The following ZC3H12B variants were observed in gnomAD, a reference collection of about 807,000 sequenced individuals.
The protein encoded by ZC3H12B is probable ribonuclease ZC3H12B.
ZC3H12B carries 7 observed loss-of-function variants against 43.9 expected under a neutral mutation model. That is an observed-to-expected ratio of 0.16 (90% confidence interval 0.09 to 0.30). The LOEUF (loss-of-function observed/expected upper bound fraction) is 0.30. Among genes scored for constraint, ZC3H12B ranks in the 10% least tolerant of loss-of-function variants. The pLI is 1.00. For missense variants in ZC3H12B, 475 were observed against 670.2 expected (o/e 0.71, Z 3.22); for synonymous variants, 222 against 241.7 (o/e 0.92, Z 0.76).
chrX:65,188,943 C>T, the ZC3H12B span, among the ~76,000 whole-genome samples: 1 of 68,076 alleles, frequency 1.5e-5, no homozygotes, highest in Non-Finnish European at 2.6e-5. Flanking sequence ...CTATCCCTCC[C>T]CCCTCCCCCC....
chrX:65,293,061 T>C, the ZC3H12B span, among the ~76,000 whole-genome samples: 3 of 111,762 alleles, frequency 2.7e-5, no homozygotes, highest in Admixed American at 9.5e-5. Context: ...TGTAAATAAT[T>C]CATAGGTCAA....
the ZC3H12B span, among the ~76,000 whole-genome samples, chrX:65,158,481 G>A: frequency 8.9e-6 from 1 of 111,968 alleles, no homozygotes; most frequent in Non-Finnish European, 1.9e-5. Context: ...GTGTGAGATG[G>A]TATGTCATTG....
the ZC3H12B span, among the ~76,000 whole-genome samples, chrX:65,075,081 G>A: frequency 1.8e-5 from 2 of 112,010 alleles, no homozygotes; most frequent in African/African-American, 3.2e-5. Flanking sequence ...TTGGCTTTGT[G>A]CAAGGAAAGA....
In ZC3H12B at chrX:65,488,968, A is replaced by G; in HGVS notation, c.167A>G (p.Asn56Ser). 3 of 1,211,371 alleles carry G rather than the reference A, an allele frequency of 2.5e-6. No individual in the cohort carries two copies. Among genetic ancestry groups the G allele is most frequent in the Non-Finnish European group, 3.4e-6 (3 of 895,314 alleles). The stretch of plus-strand genomic sequence containing the variant: ...CAGATAAGCCTTAAGAGTAGCGACA[A>G]CAGCAAGAGCTGCCAACCTAGGGAT... Residue 56 changes from asparagine (N) to serine (S), a missense_variant, in exon 1 of 5, where the codon AAC becomes AGC. This residue lies in a region of ZC3H12B where 160 missense variants were observed against 236.0 expected (regional missense o/e 0.68). Coordinates refer to ENST00000338957, the Ensembl canonical transcript of ZC3H12B.
chrX:65,074,990 C>T, the ZC3H12B span, among the ~76,000 whole-genome samples: 1 of 111,877 alleles, frequency 8.9e-6, no homozygotes, highest in African/African-American at 3.2e-5. Flanking sequence ...TGCCATGTTT[C>T]CTTGTTTCTT....
intron 4 of ZC3H12B, among the ~76,000 whole-genome samples, chrX:65,500,774 A>C (rs374475423): frequency 9.2e-6 from 1 of 108,613 alleles, no homozygotes; most frequent in East Asian, 2.9e-4. Context: ...ATAGTTTTCT[A>C]GAGTGTTTTC....
At chrX:65,225,801 G>A in the ZC3H12B span, among the ~76,000 whole-genome samples, 1 of 111,800 alleles carries the variant, frequency 8.9e-6, no homozygotes, top group East Asian at 2.8e-4. Context: ...TGAATGAAAT[G>A]AAGTGAGAAG....
At chrX:65,050,120 C>T in the ZC3H12B span, among the ~76,000 whole-genome samples, 2 of 111,125 alleles carry the variant, frequency 1.8e-5, no homozygotes, top group African/African-American at 6.5e-5. Flanking sequence ...ATTATAAAAG[C>T]TCTTTGTCAC....
At chrX:65,322,660 T>TGAAATCAGGTAGTATGATTTC in the ZC3H12B span, among the ~76,000 whole-genome samples, 1 of 112,211 alleles carries the variant, frequency 8.9e-6, no homozygotes, top group South Asian at 3.7e-4. Context: ...TCGTAGATTT[T>TGAAATCAGGTAGTATGATTTC]GAAATCAGGT....
chrX:65,123,970 G>A, the ZC3H12B span, among the ~76,000 whole-genome samples: 16 of 110,500 alleles, frequency 1.4e-4, no homozygotes, highest in Non-Finnish European at 3.0e-4. Flanking sequence ...TACTGATTTG[G>A]ATACCCTTTA....
At chrX:65,105,466 C>A in the ZC3H12B span, among the ~76,000 whole-genome samples, 2 of 111,202 alleles carry the variant, frequency 1.8e-5, no homozygotes, top group Non-Finnish European at 3.8e-5. Flanking sequence ...GCAGCTACTA[C>A]TCTTAGTGCT....
chrX:65,126,883 C>A, the ZC3H12B span, among the ~76,000 whole-genome samples: 1 of 108,859 alleles, frequency 9.2e-6, no homozygotes, highest in Non-Finnish European at 1.9e-5. Context: ...ATATCTATTT[C>A]ACTGAAGAAT....
chrX:65,304,158 G>A, the ZC3H12B span, among the ~76,000 whole-genome samples: 1 of 112,178 alleles, frequency 8.9e-6, no homozygotes, highest in African/African-American at 3.2e-5. Flanking sequence ...ATTTAAGACA[G>A]TGTGGTATTG....
the ZC3H12B span, among the ~76,000 whole-genome samples, chrX:65,312,389 C>T: frequency 1.8e-5 from 2 of 110,442 alleles, no homozygotes; most frequent in African/African-American, 6.6e-5. Context: ...AAAGGAATCA[C>T]CGAGGTTCTA....
the ZC3H12B span, among the ~76,000 whole-genome samples, chrX:65,113,107 G>A: frequency 9.0e-5 from 10 of 111,340 alleles, no homozygotes; most frequent in South Asian, 3.8e-4. Context: ...AAAGGCTTCC[G>A]TGGAGGAAGC....
At chrX:65,381,098 C>A (rs77602017) in intron 2 of ZC3H12B, among the ~76,000 whole-genome samples, 1 of 111,222 alleles carries the variant, frequency 9.0e-6, no homozygotes, top group Non-Finnish European at 1.9e-5. Context: ...CTGCACCAAG[C>A]GGACCTAATA....
the ZC3H12B span, chrX:65,330,893 CTCTT>C: frequency 1.3e-5 from 3 of 230,325 alleles, no homozygotes; most frequent in Non-Finnish European, 8.7e-6. Context: ...CAGGTTTTTT[CTCTT>C]TCTTCTTTTG....
intron 3 of ZC3H12B, among the ~76,000 whole-genome samples, chrX:65,460,245 G>A (rs867056485): frequency 1.8e-5 from 2 of 111,604 alleles, no homozygotes; most frequent in Admixed American, 9.5e-5. Flanking sequence ...CATGCTCATG[G>A]GTAGGAAGAA....
chrX:65,065,659 T>C, the ZC3H12B span, among the ~76,000 whole-genome samples: 1 of 111,430 alleles, frequency 9.0e-6, no homozygotes, highest in Non-Finnish European at 1.9e-5. Flanking sequence ...AGTGGTGTTC[T>C]CTGTATTTCC....
Sources: allele counts gnomAD v4.1 joint callset (sites outside exome capture counted in the v4.1 genomes callset), GRCh38; gene constraint gnomAD v4.1.1; regional missense constraint gnomAD v4.1.1; transcripts MANE v1.5; gene names NCBI Gene and HGNC (gene_info 2026-07-23, HGNC 2026-07-21).